ADAMTS2: variants seen among roughly 807,000 people sequenced by gnomAD.
ADAMTS2 encodes ADAM metallopeptidase with thrombospondin type 1 motif 2.
A neutral mutation model predicts 123.0 loss-of-function variants in ADAMTS2; 50 were observed. The ratio of observed to expected loss-of-function variants is 0.41; its 90% CI spans 0.32 to 0.51. The LOEUF (loss-of-function observed/expected upper bound fraction) is 0.51. ADAMTS2 is among the 20% of genes least tolerant of loss of function. The probability of loss-of-function intolerance (pLI) is 0.35; values close to 1 mark genes in which losing one functional copy is unlikely to be tolerated. For missense variants in ADAMTS2, 1,494 were observed against 1,705.2 expected, an observed-to-expected ratio of 0.88 and a Z score of 2.18; for synonymous variants, 678 against 695.4, an observed-to-expected ratio of 0.98 and a Z score of 0.39.
intron 10 of ADAMTS2, among the ~76,000 whole-genome samples, chr5:179,145,191 A>G (rs1183114568): frequency 1.3e-5 from 2 of 152,248 alleles, no homozygotes; most frequent in Admixed American, 6.5e-5. Flanking sequence ...CCAATGAGAT[A>G]TATCACTTCA....
chr5:179,215,330 C>A (rs558736774), intron 3 of ADAMTS2, among the ~76,000 whole-genome samples: 36 of 152,162 alleles, frequency 2.4e-4, no homozygotes, highest in African/African-American at 8.7e-4. Flanking sequence ...TGCCTGTAAT[C>A]CCAGCTACTC....
chr5:179,263,428 C>T (rs1266535404), intron 3 of ADAMTS2, among the ~76,000 whole-genome samples: 1 of 152,210 alleles, frequency 6.6e-6, no homozygotes, highest in African/African-American at 2.4e-5. Context: ...TTAATGAACC[C>T]GCATGGCATT....
Position 179,197,407 on chromosome 5 carries a change from A to G in ADAMTS2, c.891+10106T>C, listed in dbSNP as rs1764452188. On this transcript the variant is annotated intron_variant, in intron 4 of 21. Transcript: ENST00000251582. This position sits in a 1 kb window ranked among gnomAD's most constrained non-coding sequence, Gnocchi z 4.2. ...TGGGCCCAAGCTTTATATTTCTTGA[A>G]GTCTTGGCACAGATAGATTTTACTT... 6.6e-6 allele frequency among the ~76,000 whole-genome samples: 1 copy of G among 152,206 alleles called. No homozygotes were observed. Among genetic ancestry groups the G allele is most frequent in the Non-Finnish European group, 1.5e-5 (1 of 68,036 alleles).
chr5:179,315,290 C>CCACAGTTGGCTTCTGGAAAGCACTGAGGG (rs1756959081), intron 2 of ADAMTS2, among the ~76,000 whole-genome samples: 1 of 152,228 alleles, frequency 6.6e-6, no homozygotes. Context: ...AGCACTGAGG[C>CCACAGTTGGCTTCTGGAAAGCACTGAGGG]CACAGTTGGC....
chr5:179,254,099 T>G (rs1245169487), intron 3 of ADAMTS2, among the ~76,000 whole-genome samples: 1 of 152,268 alleles, frequency 6.6e-6, no homozygotes, highest in Non-Finnish European at 1.5e-5. Flanking sequence ...CACTCTGGAC[T>G]GTTTTAACCA....
chr5:179,341,734 A>C (rs1246814263), intron 2 of ADAMTS2, among the ~76,000 whole-genome samples: 1 of 149,624 alleles, frequency 6.7e-6, no homozygotes, highest in East Asian at 1.9e-4. Context: ...AAAAAAAAAG[A>C]AAACAGAACC....
intron 2 of ADAMTS2, among the ~76,000 whole-genome samples, chr5:179,275,225 G>A (rs1331729909): frequency 6.6e-6 from 1 of 152,156 alleles, no homozygotes; most frequent in South Asian, 2.1e-4. Context: ...GGGGTCCTGG[G>A]GAGAAGGTGT....
intron 10 of ADAMTS2, among the ~76,000 whole-genome samples, chr5:179,149,869 C>T (rs1231134597): frequency 1.3e-5 from 2 of 152,164 alleles, no homozygotes; most frequent in East Asian, 3.9e-4. Flanking sequence ...CTCTGCCCCT[C>T]AGTCAGCACA....
intron 3 of ADAMTS2, among the ~76,000 whole-genome samples, chr5:179,209,108 A>G (rs978691703): frequency 1.3e-5 from 2 of 152,336 alleles, no homozygotes; most frequent in African/African-American, 4.8e-5. Context: ...TGCAGGCGGC[A>G]CGGCCACTCG....
At chr5:179,193,168 C>A (rs1308853174) in intron 4 of ADAMTS2, among the ~76,000 whole-genome samples, 1 of 152,140 alleles carries the variant, frequency 6.6e-6, no homozygotes, top group Non-Finnish European at 1.5e-5. Flanking sequence ...CTGCCAAGGC[C>A]CTGTCCTCGC....
intron 10 of ADAMTS2, among the ~76,000 whole-genome samples, chr5:179,143,646 C>T (rs1351715040): frequency 1.3e-5 from 2 of 152,072 alleles, no homozygotes; most frequent in African/African-American, 2.4e-5. Flanking sequence ...CTTATAAAAG[C>T]GCCAGAGGGA....
At chr5:179,229,759 C>T (rs112920006) in intron 3 of ADAMTS2, among the ~76,000 whole-genome samples, 21 of 152,308 alleles carry the variant, frequency 1.4e-4, no homozygotes, top group Non-Finnish European at 8.8e-5. Context: ...TGTTTAATTA[C>T]GTTAATTGTC....
In ADAMTS2 at chr5:179,182,451, T is replaced by C. The variant is rs1176743088; in HGVS notation, c.892-1296A>G. 2.6e-5 allele frequency among the ~76,000 whole-genome samples: 4 copies of C among 152,048 alleles called. No individual in the cohort carries two copies. In the South Asian group the frequency reaches 6.2e-4, roughly 24 times the overall value. On this transcript the variant is annotated intron_variant, in intron 4 of 21. Transcript: ENST00000251582. ...AGAGCCTGCATCTGAGCAACAGTGA[T>C]TGCTACCTCAAAACAGTGGGAAGGC...
chr5:179,122,278 A>T (rs534082867), intron 20 of ADAMTS2, among the ~76,000 whole-genome samples: 2 of 152,284 alleles, frequency 1.3e-5, no homozygotes, highest in South Asian at 2.1e-4. Context: ...TGTGCGTGGT[A>T]GGTATTCTGG....
rs1478733179 is a variant in ADAMTS2, at chr5:179,233,242, AT to A, written c.689-25528del. ...CAAGTGTGCAAAACACAGCAGAGAC[AT>A]TTTTCTTTCCAATCCTGCCTAAATA... On this transcript the variant is annotated intron_variant, in intron 3 of 21. Transcript: ENST00000251582. 4.6e-5 allele frequency among the ~76,000 whole-genome samples: 7 copies of A among 152,344 alleles called. 1 individual carries two copies. Among genetic ancestry groups the A allele is most frequent in the Admixed American group, 4.6e-4 (7 of 15,300 alleles).
intron 2 of ADAMTS2, among the ~76,000 whole-genome samples, chr5:179,341,640 A>G (rs561175646): frequency 6.6e-6 from 1 of 151,770 alleles, no homozygotes; most frequent in South Asian, 2.1e-4. Context: ...GTGAACCCGG[A>G]AGGCAGAGCG....
At chr5:179,273,466 G>A (rs992296869) in intron 2 of ADAMTS2, among the ~76,000 whole-genome samples, 1 of 152,178 alleles carries the variant, frequency 6.6e-6, no homozygotes, top group Non-Finnish European at 1.5e-5. Context: ...CCCACTCCCA[G>A]GAGCCCAGAG....
chr5:179,126,282 G>A lies in ADAMTS2; in HGVS notation c.2618-152C>T, dbSNP rs7723267. The A allele has an allele frequency of 7.9e-5, 91 of 1,147,498 alleles. No individual in the cohort carries two copies. The Middle Eastern group carries it at 1.1e-3, about 14-fold the overall frequency. The allele number at this position is 1,147,498 out of a possible 1,614,324, so 71.1% of individuals were successfully genotyped here. On this transcript the variant is annotated intron_variant, in intron 17 of 21. Coordinates refer to ENST00000251582, the MANE Select transcript of ADAMTS2 (RefSeq NM_014244.5). ...TGGGCAGGGCACCGAGCCTGCGGCT[G>A]GCTGGGGGGAGGCCTTGGTGTGTCC...
Position 179,280,349 on chromosome 5 carries a change from C to A in ADAMTS2, c.535-7285G>T, listed in dbSNP as rs562838989. On this transcript the variant is annotated intron_variant, in intron 2 of 21. Coordinates refer to ENST00000251582, the MANE Select transcript of ADAMTS2 (RefSeq NM_014244.5). ...TAAGCACTGGACGCTGAGCCAGGGGCCCTGGTTTCCAATGCGGTCATGGCC... is the reference window on the plus strand; with the variant it reads ...TAAGCACTGGACGCTGAGCCAGGGGACCTGGTTTCCAATGCGGTCATGGCC... 2.0e-4 allele frequency among the ~76,000 whole-genome samples: 31 copies of A among 152,304 alleles called. No individual in the cohort carries two copies. The South Asian group carries it at 6.2e-3, about 31-fold the overall frequency.
Sources: gnomAD v4.1 joint callset for allele counts (sites outside exome capture counted in the v4.1 genomes callset) on GRCh38, gnomAD v4.1.1 for gene constraint, Gnocchi (gnomAD v3.1) non-coding constraint, MANE v1.5 for transcripts, NCBI Gene and HGNC (gene_info 2026-07-23, HGNC 2026-07-21) for gene names.